The following DYNLL1 variants were observed in gnomAD, a reference collection of about 807,000 sequenced individuals.
DYNLL1 encodes the protein dynein light chain 1, cytoplasmic.
In DYNLL1, 3 loss-of-function variants were observed where a neutral mutation model predicts 10.1. That is an observed-to-expected ratio of 0.30 (90% CI 0.14 to 0.77). DYNLL1 has a LOEUF of 0.77. DYNLL1 is among the 30% of genes least tolerant of loss of function. The pLI, the probability that DYNLL1 is intolerant of heterozygous loss-of-function variation, is 0.66. For missense variants in DYNLL1, 47 were observed against 111.7 expected (o/e 0.42, Z 2.61); for synonymous variants, 46 against 41.2 (o/e 1.12, Z -0.45).
At chr12:120,480,203 A>C (rs139444978) in intron 1 of DYNLL1, among the ~76,000 whole-genome samples, 1 of 152,348 alleles carries the variant, frequency 6.6e-6, no homozygotes, top group African/African-American at 2.4e-5. Flanking sequence ...GGTTCCCCCA[A>C]AATTAGAGGG....
intron 1 of DYNLL1, among the ~76,000 whole-genome samples, chr12:120,486,488 A>C (rs1878997252): frequency 6.6e-6 from 1 of 151,924 alleles, no homozygotes; most frequent in Admixed American, 6.6e-5. Context: ...TTTGTTTTTG[A>C]GTCAGGGTCT....
Position 120,498,333 on chromosome 12 carries a change from T to C in DYNLL1, c.*123T>C. On this transcript the variant is annotated 3_prime_UTR_variant, in exon 3 of 3. Coordinates refer to ENST00000242577, the MANE Select transcript of DYNLL1 (RefSeq NM_003746.3). ...GGGAACATCTCGATGTTTGAACCTT[T>C]GTTGTGTTTTGTACAGGGCATTCTC... The C allele has an allele frequency of 7.9e-7, 1 of 1,267,514 alleles. No homozygotes were observed. Among genetic ancestry groups the C allele is most frequent in the South Asian group, 1.5e-5 (1 of 65,332 alleles). 78.5% of individuals were successfully genotyped at this position (1,267,514 alleles called of 1,614,324 possible).
intron 1 of DYNLL1, among the ~76,000 whole-genome samples, chr12:120,488,891 C>G (rs1370253524): frequency 6.6e-6 from 1 of 151,880 alleles, no homozygotes; most frequent in Non-Finnish European, 1.5e-5. Flanking sequence ...CCAGCCTGGG[C>G]AACAAGAACG....
chr12:120,479,470 AT>A (rs56884611), intron 1 of DYNLL1, among the ~76,000 whole-genome samples: 19,837 of 87,640 alleles, frequency 0.23, 1,965 homozygotes, highest in Non-Finnish European at 0.28. Flanking sequence ...AAAAAAAAAA[AT>A]AATAATAATA....
At chr12:120,474,865 C>T (rs1878721673) in intron 1 of DYNLL1, among the ~76,000 whole-genome samples, 1 of 152,184 alleles carries the variant, frequency 6.6e-6, no homozygotes, top group Admixed American at 6.5e-5. Flanking sequence ...TGTTCCTGGT[C>T]ACAGCACCCT....
intron 2 of DYNLL1, chr12:120,496,778 G>A (rs921310807): frequency 5.0e-5 from 32 of 643,726 alleles, no homozygotes; most frequent in Non-Finnish European, 7.9e-5. Flanking sequence ...CAGCTCCGCG[G>A]GGGGAAAGCG....
At chr12:120,480,415 C>T (rs547569593) in intron 1 of DYNLL1, among the ~76,000 whole-genome samples, 1 of 152,326 alleles carries the variant, frequency 6.6e-6, no homozygotes, top group African/African-American at 2.4e-5. Flanking sequence ...CTAGAGACAA[C>T]ACCATCTCCA....
intron 2 of DYNLL1, 152 bp from the exon 3 acceptor site, chr12:120,497,921 G>C: frequency 2.8e-6 from 2 of 723,482 alleles, no homozygotes; most frequent in Non-Finnish European, 4.5e-6. Context: ...GTACTATGTA[G>C]GCGGCTTGGA....
chr12:120,471,587 A>G (rs764137721), intron 1 of DYNLL1, among the ~76,000 whole-genome samples: 1 of 151,788 alleles, frequency 6.6e-6, no homozygotes, highest in African/African-American at 2.4e-5. Flanking sequence ...ATACCCTTCG[A>G]TCTTGTAATT....
At chr12:120,496,670 T>G (rs565943301) in intron 2 of DYNLL1, 117 bp downstream of exon 2, 191 of 1,566,430 alleles carry the variant, frequency 1.2e-4, no homozygotes, top group Non-Finnish European at 1.5e-4. Flanking sequence ...GCTTGGGGCG[T>G]AGAAGCTTCC....
chr12:120,487,272 CTTTTTTTTTTTTTTTTTTTT>C (rs71076619), intron 1 of DYNLL1, among the ~76,000 whole-genome samples: 4 of 50,382 alleles, frequency 7.9e-5, no homozygotes, highest in South Asian at 7.3e-4. Flanking sequence ...CGTGCCCGGC[CTTTTTTTTTTTTTTTTTTTT>C]TTTTTTTTTT....
intron 1 of DYNLL1, among the ~76,000 whole-genome samples, chr12:120,477,684 A>G (rs1400571785): frequency 2.0e-5 from 3 of 152,076 alleles, no homozygotes; most frequent in African/African-American, 4.8e-5. Context: ...TAGAAGCGGG[A>G]GGATGGCTTG....
chr12:120,470,542 C>G (rs1460776256), intron 1 of DYNLL1, among the ~76,000 whole-genome samples: 1 of 152,178 alleles, frequency 6.6e-6, no homozygotes, highest in Non-Finnish European at 1.5e-5. Context: ...ACACGGCTCA[C>G]TGCAGTCTCG....
At chr12:120,478,087 C>T (rs970368941) in intron 1 of DYNLL1, among the ~76,000 whole-genome samples, 2 of 142,296 alleles carry the variant, frequency 1.4e-5, no homozygotes, top group Admixed American at 7.0e-5. Flanking sequence ...CCACTGCACC[C>T]GGCCAAAAGT....
chr12:120,471,446 T>C (rs865780477), intron 1 of DYNLL1, among the ~76,000 whole-genome samples: 87 of 152,270 alleles, frequency 5.7e-4, no homozygotes, highest in African/African-American at 2.0e-3. Flanking sequence ...AGGTAGTTGA[T>C]TTCTCATTAT....
chr12:120,487,625 A>G (rs1879027596), intron 1 of DYNLL1, among the ~76,000 whole-genome samples: 2 of 152,188 alleles, frequency 1.3e-5, no homozygotes, highest in African/African-American at 2.4e-5. Context: ...TTCTATACAC[A>G]CTTCACAAAA....
chr12:120,482,351 C>T (rs918388277), intron 1 of DYNLL1, among the ~76,000 whole-genome samples: 5 of 150,168 alleles, frequency 3.3e-5, no homozygotes, highest in South Asian at 2.1e-4. Context: ...GAGATGGAGT[C>T]GCGCTCTATC....
chr12:120,494,166 G>A (rs1421268077), upstream of DYNLL1, among the ~76,000 whole-genome samples: 1 of 151,920 alleles, frequency 6.6e-6, no homozygotes, highest in Non-Finnish European at 1.5e-5. Flanking sequence ...AGGTACTATA[G>A]TAATATTATA....
At chr12:120,480,828 T>C (rs920046526) in intron 1 of DYNLL1, among the ~76,000 whole-genome samples, 1 of 151,866 alleles carries the variant, frequency 6.6e-6, no homozygotes, top group Non-Finnish European at 1.5e-5. Flanking sequence ...GGCTCCATCT[T>C]GGCTCACTGC....
Sources: allele counts gnomAD v4.1 joint callset (sites outside exome capture counted in the v4.1 genomes callset), GRCh38; gene constraint gnomAD v4.1.1; transcripts MANE v1.5; gene names NCBI Gene and HGNC (gene_info 2026-07-23, HGNC 2026-07-21).